ELN: variants seen among roughly 807,000 people sequenced by gnomAD.
ELN encodes the protein tropoelastin.
Under a neutral mutation model 105.8 loss-of-function variants are expected in ELN, and 65 were observed. The observed-to-expected ratio is 0.61, with a 90% CI of 0.50 to 0.75. The LOEUF (loss-of-function observed/expected upper bound fraction) is 0.75, where lower values mean the gene tolerates loss of function less well. ELN is among the 30% of genes least tolerant of loss of function. ELN has a pLI of 0.00. For missense variants in ELN, 882 were observed against 969.4 expected, an observed-to-expected ratio of 0.91 and a Z score of 1.20; for synonymous variants, 368 against 389.2, an observed-to-expected ratio of 0.95 and a Z score of 0.64.
intron 22 of ELN, 156 bp from the exon 23 acceptor site, chr7:74,059,730 T>G (rs1415272900): frequency 1.3e-5 from 10 of 754,918 alleles, no homozygotes; most frequent in African/African-American, 1.2e-4. Flanking sequence ...CACTTCATAT[T>G]AGGGAGGAGG....
chr7:74,044,986 G>A (rs938260229), intron 9 of ELN, among the ~76,000 whole-genome samples: 2 of 152,074 alleles, frequency 1.3e-5, no homozygotes, highest in African/African-American at 2.4e-5. Context: ...GGCTGACTGA[G>A]GCACCAGCTC....
At chr7:74,048,253 C>T (rs1793040910) in intron 14 of ELN, 52 bp downstream of exon 14, 2 of 1,611,344 alleles carry the variant, frequency 1.2e-6, no homozygotes, top group Non-Finnish European at 1.7e-6. Flanking sequence ...ATCTTCCAGG[C>T]TCCAGAGCCC....
At chr7:74,046,957 G>A (rs782342850) in intron 12 of ELN, among the ~76,000 whole-genome samples, 190 bp downstream of exon 12, 10 of 152,164 alleles carry the variant, frequency 6.6e-5, no homozygotes, top group Non-Finnish European at 7.3e-5. Context: ...GGTGGCATAG[G>A]CCTATAATCC....
chr7:74,037,640 G>A (rs1584502090), intron 3 of ELN, 67 bp from the exon 4 acceptor site: 2 of 1,581,932 alleles, frequency 1.3e-6, no homozygotes, highest in East Asian at 4.5e-5. Flanking sequence ...GCCCGGGTTG[G>A]GGGTTGGATA....
chr7:74,046,162 G>T (rs376686772), intron 10 of ELN, 26 bp from the exon 11 acceptor site: 1 of 1,614,272 alleles, frequency 6.2e-7, no homozygotes, highest in Non-Finnish European at 8.5e-7. Context: ...TTCCAGGGCT[G>T]TAGTGACAGC....
chr7:74,028,685 G>A (rs55855101), intron 1 of ELN, among the ~76,000 whole-genome samples: 45,030 of 152,086 alleles, frequency 0.3, 7,948 homozygotes, highest in Non-Finnish European at 0.4. Context: ...CAGGGAACCT[G>A]GGCTTGATAC....
intron 1 of ELN, among the ~76,000 whole-genome samples, chr7:74,029,348 C>A (rs1554660904): frequency 2.0e-5 from 3 of 152,258 alleles, no homozygotes; most frequent in African/African-American, 7.2e-5. Context: ...CTATGTGCCC[C>A]AACCCAGGCA....
intron 9 of ELN, among the ~76,000 whole-genome samples, chr7:74,044,630 C>T (rs1309301834): frequency 6.6e-6 from 1 of 152,202 alleles, no homozygotes; most frequent in Non-Finnish European, 1.5e-5. Flanking sequence ...CAGGGCCTGA[C>T]CACCCCACCC....
chr7:74,064,665 C>T (rs1364582625), intron 29 of ELN, among the ~76,000 whole-genome samples: 1 of 152,130 alleles, frequency 6.6e-6, no homozygotes, highest in Non-Finnish European at 1.5e-5. Context: ...GGGGCTATCC[C>T]TTGCCGCCAG....
At chr7:74,053,594 C>G (rs1317451464) in intron 18 of ELN, among the ~76,000 whole-genome samples, 1 of 151,998 alleles carries the variant, frequency 6.6e-6, no homozygotes, top group African/African-American at 2.4e-5. Context: ...TAGCCCTTAG[C>G]TGAGTAGGTG....
chr7:74,043,315 C>A, intron 8 of ELN, 147 bp downstream of exon 8: 1 of 1,234,106 alleles, frequency 8.1e-7, no homozygotes. Context: ...CAGGCTGGTG[C>A]CTGCGTCTGT....
At chr7:74,061,273 T>G in intron 26 of ELN, 134 bp downstream of exon 26, 1 of 1,125,124 alleles carries the variant, frequency 8.9e-7, no homozygotes, top group Non-Finnish European at 1.3e-6. Flanking sequence ...TCCCAGCACT[T>G]TGGGAGGCCG....
At chr7:74,048,658 C>G in intron 15 of ELN, 102 bp downstream of exon 15, 2 of 1,406,092 alleles carry the variant, frequency 1.4e-6, no homozygotes, top group South Asian at 1.2e-5. Flanking sequence ...CTACATACCC[C>G]CATTTACTCA....
In ELN at chr7:74,036,618, A is replaced by C. The variant is rs186990808; in HGVS notation, c.163+34A>C. 3.2e-3 allele frequency: 5,170 copies of C among 1,614,040 alleles called. 9 individuals are homozygous for C. Among genetic ancestry groups the C allele is most frequent in the Non-Finnish European group, 4.1e-3 (4,867 of 1,179,996 alleles). ...AGAAACCACACTTGTTCATCACTGAAAGGGCCTGGGTTTCACCCGAGCCAC... is the reference window on the plus strand; with the variant it reads ...AGAAACCACACTTGTTCATCACTGACAGGGCCTGGGTTTCACCCGAGCCAC... On this transcript the variant is annotated intron_variant, in intron 3 of 32. Coordinates refer to ENST00000252034, the MANE Select transcript of ELN (RefSeq NM_000501.4).
At chr7:74,068,567 C>A in intron 32 of ELN, 90 bp from the exon 33 acceptor site, 1 of 1,523,562 alleles carries the variant, frequency 6.6e-7, no homozygotes, top group Non-Finnish European at 9.1e-7. Flanking sequence ...CTTCTTGGAG[C>A]CTCCATTCGA....
intron 17 of ELN, chr7:74,052,932 AAAAG>A (rs782626760): frequency 8.3e-5 from 49 of 591,908 alleles, no homozygotes; most frequent in Admixed American, 3.3e-4. Flanking sequence ...AAAGAAAAGA[AAAAG>A]AAAGAGATCA....
chr7:74,046,317 T>C (rs1583798854), intron 11 of ELN, 100 bp downstream of exon 11: 2 of 1,542,938 alleles, frequency 1.3e-6, no homozygotes, highest in East Asian at 4.5e-5. Flanking sequence ...GCCTGCCCAA[T>C]TTCTCCCACG....
rs1265640051 is a variant in ELN at position 74,056,217 on chromosome 7, C to T, written c.1151-54C>T. ...CAATCCATCAGCATCCCTCAGAGCC[C>T]GCCCAGCCTCTCTCACTGAGCTTCT... On this transcript the variant is annotated intron_variant, in intron 19 of 32. Coordinates refer to ENST00000252034, the MANE Select transcript of ELN (RefSeq NM_000501.4). 1.5e-5 allele frequency: 24 copies of T among 1,610,706 alleles called. No individual in the cohort carries two copies. The East Asian group carries it at 2.7e-4, about 18-fold the overall frequency.
chr7:74,040,975 C>G (rs1791068051), intron 4 of ELN, among the ~76,000 whole-genome samples: 1 of 152,150 alleles, frequency 6.6e-6, no homozygotes, highest in African/African-American at 2.4e-5. Flanking sequence ...CTAGGAGAAG[C>G]ACAGGCCTGG....
Sources: allele counts gnomAD v4.1 joint callset (sites outside exome capture counted in the v4.1 genomes callset), GRCh38; gene constraint gnomAD v4.1.1; transcripts MANE v1.5; gene names NCBI Gene and HGNC (gene_info 2026-07-23, HGNC 2026-07-21).